DNAH12: variants seen among roughly 807,000 people sequenced by gnomAD.
The protein encoded by DNAH12 is axonemal beta dynein heavy chain 12.
Under a neutral mutation model 371.5 loss-of-function variants are expected in DNAH12, and 285 were observed. The observed-to-expected ratio is 0.77, with a 90% CI of 0.70 to 0.85. The LOEUF (loss-of-function observed/expected upper bound fraction) is 0.85, where lower values mean the gene tolerates loss of function less well. Among genes scored for constraint, DNAH12 ranks in the 40% least tolerant of loss-of-function variants. The pLI, the probability that DNAH12 is intolerant of heterozygous loss-of-function variation, is 0.00. For missense variants in DNAH12, 3,611 were observed against 3,689.4 expected (o/e 0.98, Z 0.55); for synonymous variants, 1,200 against 1,213.0 (o/e 0.99, Z 0.22).
In DNAH12 at chr3:57,314,498, A is replaced by C; in HGVS notation, c.10658T>G (p.Leu3553Arg). Reference protein sequence around the residue: ...ESDLRISIRQLQLFINEYDTI... With the variant: ...ESDLRISIRQRQLFINEYDTI... The stretch of plus-strand genomic sequence containing the variant: ...TTAATTTCTTGTTAATTTTACCTGC[A>C]GTTGTCGGATACTGATGCGCAAGTC... Residue 3553 changes from leucine (L) to arginine (R), a missense_variant, in exon 66 of 74, where the codon CTG becomes CGG. By Grantham distance (102) the Leu-to-Arg change is moderately radical. Around this residue, in one of 3 missense-constraint regions of DNAH12, gnomAD observed 2,266 missense variants for 2,236.9 expected, o/e 1.01. Transcript: ENST00000495027. The C allele has an allele frequency of 6.4e-7, 1 of 1,551,038 alleles. No individual in the cohort carries two copies. Among genetic ancestry groups the C allele is most frequent in the Non-Finnish European group, 8.7e-7 (1 of 1,146,800 alleles).
chr3:57,502,502 C>T (rs1370595358), intron 9 of DNAH12, 23 bp from the exon 10 acceptor site: 2 of 1,599,220 alleles, frequency 1.3e-6, no homozygotes, highest in Admixed American at 3.3e-5. Flanking sequence ...AAAATAATAA[C>T]AATGTATACA....
chr3:57,525,753 A>ATTCTT (rs2068624912), intron 2 of DNAH12, among the ~76,000 whole-genome samples: 1 of 62,850 alleles, frequency 1.6e-5, no homozygotes, highest in African/African-American at 6.5e-5. Context: ...AGTATGTCTT[A>ATTCTT]TTCTTTTTTT....
intron 25 of DNAH12, among the ~76,000 whole-genome samples, chr3:57,447,555 TC>T (rs2065550758): frequency 6.6e-6 from 1 of 152,306 alleles, no homozygotes; most frequent in South Asian, 2.1e-4. Flanking sequence ...CAAAAAAAGG[TC>T]TACCTTTAAA....
At chr3:57,297,207 A>C (rs1371457945) in intron 70 of DNAH12, 1 of 534,972 alleles carries the variant, frequency 1.9e-6, no homozygotes, top group African/African-American at 1.9e-5. Context: ...ACGTGAATGA[A>C]ACATAGTTTG....
At chr3:57,339,554 T>C (rs1235575347) in intron 60 of DNAH12, among the ~76,000 whole-genome samples, 2 of 152,048 alleles carry the variant, frequency 1.3e-5, no homozygotes, top group Non-Finnish European at 2.9e-5. Flanking sequence ...TTAATAATAA[T>C]TTATTATATA....
intron 17 of DNAH12, among the ~76,000 whole-genome samples, chr3:57,465,074 A>C (rs1380362757): frequency 6.6e-6 from 1 of 152,210 alleles, no homozygotes; most frequent in African/African-American, 2.4e-5. Flanking sequence ...TACATGGTTT[A>C]GCTCAGCCCT....
intron 33 of DNAH12, among the ~76,000 whole-genome samples, chr3:57,429,486 C>G (rs1277845856): frequency 2.0e-5 from 3 of 152,120 alleles, no homozygotes; most frequent in Non-Finnish European, 1.5e-5. Flanking sequence ...ATCCTCTTCA[C>G]ACTCTTAAAG....
chr3:57,396,309 A>G (rs1267630912), intron 43 of DNAH12, among the ~76,000 whole-genome samples: 3 of 151,116 alleles, frequency 2.0e-5, no homozygotes, highest in African/African-American at 4.9e-5. Context: ...AAAAAAAAAA[A>G]AGAGAACCAT....
At chr3:57,472,498 T>C (rs1338942645) in intron 14 of DNAH12, 48 bp downstream of exon 14, 1 of 1,520,874 alleles carries the variant, frequency 6.6e-7, no homozygotes, top group Non-Finnish European at 8.8e-7. Flanking sequence ...GTGAATGATG[T>C]GCTTGAAATG....
chr3:57,426,185 A>G (rs2064762581), intron 34 of DNAH12, among the ~76,000 whole-genome samples: 1 of 152,230 alleles, frequency 6.6e-6, no homozygotes, highest in South Asian at 2.1e-4. Flanking sequence ...TCTGTAGGAT[A>G]TGAAAATAGG....
intron 6 of DNAH12, 137 bp from the exon 7 acceptor site, chr3:57,508,677 G>T: frequency 1.1e-6 from 1 of 906,382 alleles, no homozygotes; most frequent in East Asian, 2.9e-5. Flanking sequence ...GTCAGCAATG[G>T]GAACCTTAAG....
rs374768969 is a variant in DNAH12, at chr3:57,405,838, C to A, written c.6391G>T (p.Ala2131Ser). ...IRGCLLIERD[A>S]VANKHTMIRL... ...ATCATAGTGTGTTTGTTCGCCACGGCGTCTCTTTCAATGAGTAAACAGCCC... is the reference window on the plus strand; with the variant it reads ...ATCATAGTGTGTTTGTTCGCCACGGAGTCTCTTTCAATGAGTAAACAGCCC... Residue 2131 changes from alanine to serine, a missense_variant, in exon 41 of 74, where the codon GCC becomes TCC. Ala to Ser is a moderately conservative substitution (Grantham distance 99). Around this residue, in one of 3 missense-constraint regions of DNAH12, gnomAD observed 2,266 missense variants for 2,236.9 expected, o/e 1.01. Transcript: ENST00000495027. 1 of 1,551,478 alleles carries A rather than the reference C, an allele frequency of 6.4e-7. No individual in the cohort carries two copies. The highest frequency in any genetic ancestry group is 1.2e-5 in the South Asian group (1 of 84,052).
chr3:57,491,340 T>C (rs1249016631), intron 11 of DNAH12, among the ~76,000 whole-genome samples: 1 of 152,064 alleles, frequency 6.6e-6, no homozygotes, highest in Non-Finnish European at 1.5e-5. Flanking sequence ...AAGAAAGTTA[T>C]AATTGGGGAG....
In DNAH12 at chr3:57,542,163, G is replaced by T. The variant is rs879472281; in HGVS notation, c.170+538C>A. 2.0e-3 allele frequency among the ~76,000 whole-genome samples: 256 copies of T among 129,142 alleles called. 8 individuals carry two copies. Among genetic ancestry groups the T allele is most frequent in the Middle Eastern group, 3.8e-3 (1 of 266 alleles). The allele number at this position is 129,142 out of a possible 152,430, so 84.7% of individuals were successfully genotyped here. A position where few individuals can be genotyped will look rare whatever the true frequency, so the allele number is the denominator to read the frequency against. ...TTTAATTTCCACTAAACTGGGGGGGGGGGGGGCGGTGAGTAGGATGTTGAA... is the reference window on the plus strand; with the variant it reads ...TTTAATTTCCACTAAACTGGGGGGGTGGGGGGCGGTGAGTAGGATGTTGAA... On this transcript the variant is annotated intron_variant, in intron 2 of 73. Coordinates refer to ENST00000495027, the MANE Select transcript of DNAH12 (RefSeq NM_001366028.2).
intron 43 of DNAH12, among the ~76,000 whole-genome samples, chr3:57,396,017 G>A (rs2063729739): frequency 6.6e-6 from 1 of 151,560 alleles, no homozygotes; most frequent in Admixed American, 6.6e-5. Flanking sequence ...GGTGGCTCAG[G>A]CCTGTAATCC....
intron 52 of DNAH12, among the ~76,000 whole-genome samples, chr3:57,377,584 A>G (rs2063306598): frequency 6.6e-6 from 1 of 152,060 alleles, no homozygotes; most frequent in African/African-American, 2.4e-5. Context: ...GTTTAAACAC[A>G]TGAATATGTT....
At chr3:57,549,390 G>A in the DNAH12 span, among the ~76,000 whole-genome samples, 12 of 151,534 alleles carry the variant, frequency 7.9e-5, no homozygotes, top group South Asian at 8.4e-4. Flanking sequence ...GGTGGTGCGC[G>A]CCTGTAGTCC....
chr3:57,327,256 AT>A (rs970007901), intron 62 of DNAH12, among the ~76,000 whole-genome samples: 3 of 151,928 alleles, frequency 2.0e-5, no homozygotes, highest in African/African-American at 7.3e-5. Context: ...CAGAATATAC[AT>A]TTTTTTCAGC....
chr3:57,491,099 A>AAAAAAAAAAAAAC (rs56259991), intron 11 of DNAH12, among the ~76,000 whole-genome samples: 17 of 112,814 alleles, frequency 1.5e-4, no homozygotes, highest in African/African-American at 2.1e-4. Context: ...AAAAAAAAAA[A>AAAAAAAAAAAAAC]AACAACAAAT....
Sources: allele counts gnomAD v4.1 joint callset (sites outside exome capture counted in the v4.1 genomes callset), GRCh38; gene constraint gnomAD v4.1.1; regional missense constraint gnomAD v4.1.1; transcripts MANE v1.5; gene names NCBI Gene and HGNC (gene_info 2026-07-23, HGNC 2026-07-21).